The following MCTP1 variants were observed in gnomAD, a reference collection of about 807,000 sequenced individuals.
MCTP1 encodes multiple C2 and transmembrane domain containing 1.
Under a neutral mutation model 120.6 loss-of-function variants are expected in MCTP1, and 69 were observed. The ratio of observed to expected loss-of-function variants is 0.57; its 90% CI spans 0.47 to 0.70. The LOEUF is 0.70. Ranked by LOEUF, MCTP1 falls within the 30% of genes least tolerant of loss-of-function variation. The pLI, the probability that MCTP1 is intolerant of heterozygous loss-of-function variation, is 0.00. For synonymous variants in MCTP1, 529 were observed against 493.1 expected (o/e 1.07, Z -0.96); for missense variants, 1,203 against 1,248.8 (o/e 0.96, Z 0.55).
chr5:94,975,895 T>C (rs983978862), intron 2 of MCTP1, among the ~76,000 whole-genome samples: 1 of 152,136 alleles, frequency 6.6e-6, no homozygotes, highest in Non-Finnish European at 1.5e-5. Context: ...ACTTGTCACA[T>C]TGAGGCCTTG....
intron 3 of MCTP1, among the ~76,000 whole-genome samples, chr5:94,952,428 T>C (rs1029986192): frequency 5.3e-5 from 8 of 152,156 alleles, no homozygotes; most frequent in African/African-American, 1.7e-4. Flanking sequence ...ACAATGATGA[T>C]ATGAGGGGAA....
intron 10 of MCTP1, among the ~76,000 whole-genome samples, chr5:94,899,365 C>G (rs1287152988): frequency 1.3e-5 from 2 of 152,202 alleles, no homozygotes; most frequent in East Asian, 3.9e-4. Flanking sequence ...CTCTTCATCC[C>G]AAACCCATGA....
intron 8 of MCTP1, among the ~76,000 whole-genome samples, chr5:94,917,330 A>C (rs557541268): frequency 1.3e-5 from 2 of 152,342 alleles, no homozygotes; most frequent in East Asian, 3.9e-4. Context: ...GAGGAGGACA[A>C]GAAAAAAGGC....
intron 1 of MCTP1, among the ~76,000 whole-genome samples, chr5:95,183,430 T>G (rs1200185216): frequency 6.6e-6 from 1 of 151,510 alleles, no homozygotes; most frequent in African/African-American, 2.4e-5. Flanking sequence ...AATTTATTAA[T>G]GAGAACATGA....
intron 1 of MCTP1, among the ~76,000 whole-genome samples, chr5:95,095,209 G>C (rs1389859391): frequency 6.6e-6 from 1 of 151,044 alleles, no homozygotes; most frequent in East Asian, 1.9e-4. Context: ...ATTTTTAGTA[G>C]AGACGGGGTT....
intron 1 of MCTP1, among the ~76,000 whole-genome samples, chr5:95,249,918 A>G (rs1294104964): frequency 6.6e-6 from 1 of 152,212 alleles, no homozygotes; most frequent in Admixed American, 6.5e-5. Flanking sequence ...CAGAAAAGCA[A>G]GCACCGCATG....
chr5:94,737,530 T>G (rs1307397575), intron 19 of MCTP1, among the ~76,000 whole-genome samples: 1 of 152,242 alleles, frequency 6.6e-6, no homozygotes, highest in East Asian at 1.9e-4. Context: ...TAGGGAGTCC[T>G]GTAGTTTTGT....
At chr5:95,149,152 G>C (rs1197714984) in intron 1 of MCTP1, among the ~76,000 whole-genome samples, 2 of 152,144 alleles carry the variant, frequency 1.3e-5, no homozygotes, top group Non-Finnish European at 2.9e-5. Flanking sequence ...TCTGATCACT[G>C]GCACCATGTA....
At chr5:95,025,780 A>T (rs1581903943) in intron 1 of MCTP1, among the ~76,000 whole-genome samples, 1 of 152,176 alleles carries the variant, frequency 6.6e-6, no homozygotes, top group South Asian at 2.1e-4. Flanking sequence ...ACCCAGCCTG[A>T]TAATCAATTT....
chr5:95,152,477 G>C (rs1461448991), intron 1 of MCTP1, among the ~76,000 whole-genome samples: 1 of 152,076 alleles, frequency 6.6e-6, no homozygotes, highest in Non-Finnish European at 1.5e-5. Flanking sequence ...TAATATCCAG[G>C]GCAATTCTCC....
chr5:95,017,554 T>TCTCTAAAGGGGG, intron 1 of MCTP1, 70 bp from the exon 2 acceptor site: 17 of 906,714 alleles, frequency 1.9e-5, no homozygotes, highest in East Asian at 2.9e-5. Context: ...AGGGGGACCA[T>TCTCTAAAGGGGG]ATATAGCTTA....
chr5:95,094,464 A>G (rs752877599), intron 1 of MCTP1, among the ~76,000 whole-genome samples: 6 of 152,250 alleles, frequency 3.9e-5, no homozygotes, highest in Non-Finnish European at 8.8e-5. Flanking sequence ...CATAAGATGT[A>G]AATTCTGTGA....
intron 2 of MCTP1, among the ~76,000 whole-genome samples, chr5:94,953,849 CTA>C (rs1283009381): frequency 8.7e-4 from 28 of 32,212 alleles, no homozygotes; most frequent in Admixed American, 1.4e-3. Flanking sequence ...ATATACACAA[CTA>C]TATATATGCA....
intron 1 of MCTP1, among the ~76,000 whole-genome samples, chr5:95,198,964 A>G (rs1750695294): frequency 1.3e-5 from 2 of 152,176 alleles, no homozygotes; most frequent in Admixed American, 1.3e-4. Context: ...GGTGCTAAGG[A>G]CTGAATCTCC....
At chr5:94,913,370 T>A (rs1418392553) in intron 8 of MCTP1, among the ~76,000 whole-genome samples, 1 of 152,196 alleles carries the variant, frequency 6.6e-6, no homozygotes, top group Non-Finnish European at 1.5e-5. Context: ...TTAAACTATT[T>A]ATGGTGTTTG....
intron 12 of MCTP1, among the ~76,000 whole-genome samples, chr5:94,873,586 T>C (rs4869223): frequency 3.3e-5 from 5 of 152,052 alleles, no homozygotes; most frequent in Admixed American, 1.3e-4. Context: ...TCAGTTTTTA[T>C]AGAAATCTGT....
rs189368452 is a variant in MCTP1 at position 94,778,620 on chromosome 5, C to T, written c.2610+490G>A. 5.9e-5 allele frequency among the ~76,000 whole-genome samples: 9 copies of T among 152,240 alleles called. No individual in the cohort carries two copies. In the East Asian group the frequency reaches 1.5e-3, roughly 26 times the overall value. ...TGGCCATTCCAAACCTCGGCAAGGG[C>T]GGTGAGCACTGGGGTTATTTAAATG... On this transcript the variant is annotated intron_variant, in intron 19 of 22. Coordinates refer to ENST00000515393, the MANE Select transcript of MCTP1 (RefSeq NM_024717.7).
At chr5:95,120,977 T>C (rs1417390930) in intron 1 of MCTP1, among the ~76,000 whole-genome samples, 2 of 151,980 alleles carry the variant, frequency 1.3e-5, no homozygotes, top group Admixed American at 6.6e-5. Context: ...ATAAACAAAT[T>C]AGGTAAAGTT....
chr5:94,753,920 C>T (rs1769121480), intron 19 of MCTP1, among the ~76,000 whole-genome samples: 1 of 152,030 alleles, frequency 6.6e-6, no homozygotes, highest in Non-Finnish European at 1.5e-5. Flanking sequence ...TCTGAGGAAA[C>T]ATTGAAATAA....
Sources: allele counts gnomAD v4.1 joint callset (sites outside exome capture counted in the v4.1 genomes callset), GRCh38; gene constraint gnomAD v4.1.1; transcripts MANE v1.5; gene names NCBI Gene and HGNC (gene_info 2026-07-23, HGNC 2026-07-21).